Variants in NHSL1 observed in about 807,000 individuals in gnomAD.
NHSL1 encodes the protein NHS like 1.
A neutral mutation model predicts 95.0 loss-of-function variants in NHSL1; 48 were observed. The observed-to-expected ratio is 0.51, with a 90% CI of 0.40 to 0.64. The LOEUF is 0.64. Among genes scored for constraint, NHSL1 ranks in the 30% least tolerant of loss-of-function variants. The pLI, the probability that NHSL1 is intolerant of heterozygous loss-of-function variation, is 0.00. For missense variants in NHSL1, 1,971 were observed against 2,077.7 expected, an observed-to-expected ratio of 0.95 and a Z score of 1.00; for synonymous variants, 783 against 833.9, an observed-to-expected ratio of 0.94 and a Z score of 1.05.
chr6:138,452,598 TTAA>T (rs763285180), intron 3 of NHSL1, among the ~76,000 whole-genome samples: 1 of 152,206 alleles, frequency 6.6e-6, no homozygotes, highest in Non-Finnish European at 1.5e-5. Context: ...GTTGATGTCT[TTAA>T]GAAGACAGCC....
intron 3 of NHSL1, among the ~76,000 whole-genome samples, chr6:138,465,762 C>G (rs1434546273): frequency 3.6e-5 from 5 of 140,540 alleles, no homozygotes; most frequent in African/African-American, 1.1e-4. Context: ...CTAGCTCTGT[C>G]GCCTAGGCTG....
At chr6:138,601,485 C>T (rs1274040298) in intron 1 of NHSL1, among the ~76,000 whole-genome samples, 1 of 152,102 alleles carries the variant, frequency 6.6e-6, no homozygotes, top group Non-Finnish European at 1.5e-5. Context: ...AAAATTTACT[C>T]TTAGGTGAAT....
rs563509738 is a variant in NHSL1 at position 138,536,602 on chromosome 6, C to CTT, written c.16+9019_16+9020dup. Among the ~76,000 whole-genome samples, 25 of 80,016 alleles carry CTT rather than the reference C, an allele frequency of 3.1e-4. 2 individuals are homozygous for CTT. Among genetic ancestry groups the CTT allele is most frequent in the Non-Finnish European group, 4.9e-4 (20 of 41,188 alleles). The allele number at this position is 80,016 out of a possible 152,430, so 52.5% of individuals were successfully genotyped here. ...GGTTTTGGAGAGGGACATATGTCAT[C>CTT]TTTTTTTTTTTTTTTTTTTTTTTTT... On this transcript the variant is annotated intron_variant, in intron 1 of 4. Coordinates refer to the NHSL1 transcript ENST00000342260.
chr6:138,521,733 G>A (rs563351829), intron 1 of NHSL1, among the ~76,000 whole-genome samples: 5 of 152,148 alleles, frequency 3.3e-5, no homozygotes, highest in East Asian at 1.9e-4. Context: ...AGGAGAACCC[G>A]GAGGAAACAG....
At chr6:138,501,266 T>C (rs1780660457), upstream of NHSL1, among the ~76,000 whole-genome samples, 1 of 152,216 alleles carries the variant, frequency 6.6e-6, no homozygotes, top group East Asian at 1.9e-4. Context: ...CAGGCACCGA[T>C]GCTAACTGCT....
intron 1 of NHSL1, among the ~76,000 whole-genome samples, chr6:138,509,877 C>A (rs1052033505): frequency 6.6e-6 from 1 of 152,180 alleles, no homozygotes; most frequent in African/African-American, 2.4e-5. Context: ...AATAAGGGGG[C>A]AGCTGTGTTT....
At chr6:138,588,449 A>G (rs1784173933) in intron 1 of NHSL1, among the ~76,000 whole-genome samples, 1 of 152,200 alleles carries the variant, frequency 6.6e-6, no homozygotes, top group African/African-American at 2.4e-5. Context: ...GTGACAGAGC[A>G]AGACTTCGTC....
chr6:138,586,567 T>C (rs1784138795), intron 1 of NHSL1, among the ~76,000 whole-genome samples: 1 of 152,180 alleles, frequency 6.6e-6, no homozygotes, highest in African/African-American at 2.4e-5. Context: ...AGACACACCC[T>C]TTACAAAATA....
At chr6:138,448,552 A>G (rs1276734537) in intron 3 of NHSL1, among the ~76,000 whole-genome samples, 3 of 152,146 alleles carry the variant, frequency 2.0e-5, no homozygotes, top group African/African-American at 4.8e-5. Flanking sequence ...TGCTATGTCA[A>G]CTTCTAATAC....
At position 138,566,266 on chromosome 6, in the gene NHSL1, C is replaced by G. The variant is rs983156547; in HGVS notation, c.202+5444G>C. On this transcript the variant is annotated intron_variant, in intron 1 of 6. Transcript: ENST00000427025. ...TATAAAAATTAGCCGGGCGTGGTGG[C>G]GGGTGCCTGTAATCCCAGCTACCCA... 2.0e-5 allele frequency among the ~76,000 whole-genome samples: 3 copies of G among 151,948 alleles called. 1 individual carries two copies. The highest frequency in any genetic ancestry group is 2.0e-4 in the Admixed American group (3 of 15,254).
intron 2 of NHSL1, among the ~76,000 whole-genome samples, chr6:138,488,374 A>C (rs1342987680): frequency 6.6e-6 from 1 of 152,192 alleles, no homozygotes; most frequent in Non-Finnish European, 1.5e-5. Context: ...GTAACAAACT[A>C]GGCAAATTGT....
chr6:138,637,585 C>T (rs1784903780), intron 1 of NHSL1, among the ~76,000 whole-genome samples: 1 of 152,008 alleles, frequency 6.6e-6, no homozygotes, highest in Non-Finnish European at 1.5e-5. Flanking sequence ...CAAAAGATTT[C>T]TCAAAACAAG....
chr6:138,429,786 T>C lies in NHSL1; in HGVS notation c.4010A>G (p.Lys1337Arg). 1 of 1,551,810 alleles carries C rather than the reference T, an allele frequency of 6.4e-7. No homozygotes were observed. Residue 1337 changes from lysine (K) to arginine (R), a missense_variant, in exon 7 of 8, where the codon AAG becomes AGG. By Grantham distance (26) the Lys-to-Arg change is conservative. Coordinates refer to ENST00000343505, the MANE Select transcript of NHSL1 (RefSeq NM_001144060.2). ...CATTACCTCATCATTCCCGTCTTCC[T>C]TGAGGAAGTCACAGGCCTCTGAGGA... The part of the protein sequence containing the change: ...GSSSEACDFL[K>R]EDGNDEVMTP...
chr6:138,453,600 G>A (rs938695733), intron 3 of NHSL1, among the ~76,000 whole-genome samples: 4 of 152,100 alleles, frequency 2.6e-5, no homozygotes, highest in African/African-American at 9.7e-5. Context: ...AGGCTAGAGT[G>A]CAGTGGCAGA....
At chr6:138,528,588 G>A (rs553544454) in intron 1 of NHSL1, among the ~76,000 whole-genome samples, 1 of 152,290 alleles carries the variant, frequency 6.6e-6, no homozygotes, top group African/African-American at 2.4e-5. Flanking sequence ...CTACAAAGGT[G>A]AGGGATTAAA....
chr6:138,620,019 C>T (rs530170790), intron 1 of NHSL1, among the ~76,000 whole-genome samples: 5 of 150,064 alleles, frequency 3.3e-5, no homozygotes, highest in Non-Finnish European at 7.4e-5. Flanking sequence ...ACAAAACAAC[C>T]ATAACCTAAT....
chr6:138,481,372 A>C (rs920013400), intron 2 of NHSL1, among the ~76,000 whole-genome samples: 11 of 152,238 alleles, frequency 7.2e-5, no homozygotes, highest in African/African-American at 2.7e-4. Context: ...TGATATAGTT[A>C]GGATTCTCCC....
upstream of NHSL1, among the ~76,000 whole-genome samples, chr6:138,547,220 C>T (rs1299208828): frequency 3.3e-5 from 5 of 151,896 alleles, no homozygotes; most frequent in African/African-American, 1.2e-4. Context: ...CATGAATCAC[C>T]AATAGCACCT....
At chr6:138,527,248 T>C (rs1006266593) in intron 1 of NHSL1, among the ~76,000 whole-genome samples, 3 of 149,048 alleles carry the variant, frequency 2.0e-5, no homozygotes, top group African/African-American at 7.4e-5. Flanking sequence ...AAACTAAGAT[T>C]AAGTACAGAA....
Sources: gnomAD v4.1 joint callset for allele counts (sites outside exome capture counted in the v4.1 genomes callset) on GRCh38, gnomAD v4.1.1 for gene constraint, MANE v1.5 for transcripts, NCBI Gene and HGNC (gene_info 2026-07-23, HGNC 2026-07-21) for gene names.